The following RPS6KC1 variants were observed in gnomAD, a reference collection of about 807,000 sequenced individuals.
RPS6KC1 encodes the protein ribosomal protein S6 kinase C1.
RPS6KC1 carries 54 observed loss-of-function variants against 103.8 expected under a neutral mutation model. The ratio of observed to expected loss-of-function variants is 0.52; its 90% CI spans 0.42 to 0.65. The LOEUF (loss-of-function observed/expected upper bound fraction) is 0.65. Ranked by LOEUF, RPS6KC1 falls within the 30% of genes least tolerant of loss-of-function variation. The pLI, the probability that RPS6KC1 is intolerant of heterozygous loss-of-function variation, is 0.00. For synonymous variants in RPS6KC1, 439 were observed against 438.7 expected (o/e 1.00, Z -0.01); for missense variants, 1,151 against 1,253.8 (o/e 0.92, Z 1.24).
the RPS6KC1 span, among the ~76,000 whole-genome samples, chr1:213,753,996 G>A: frequency 6.6e-6 from 1 of 152,154 alleles, no homozygotes; most frequent in South Asian, 2.1e-4. Flanking sequence ...AGAACACCGA[G>A]AGGAGATGGG....
chr1:213,772,972 G>C, the RPS6KC1 span, among the ~76,000 whole-genome samples: 1 of 152,152 alleles, frequency 6.6e-6, no homozygotes, highest in Non-Finnish European at 1.5e-5. Context: ...TGGCTCCCCA[G>C]CTGTTTTCGC....
chr1:213,427,745 G>A, the RPS6KC1 span, among the ~76,000 whole-genome samples: 36 of 152,320 alleles, frequency 2.4e-4, no homozygotes, highest in Non-Finnish European at 5.0e-4. Context: ...GCCAAGAGCA[G>A]GTTTTTCCAA....
chr1:213,816,506 C>G, the RPS6KC1 span, among the ~76,000 whole-genome samples: 1 of 152,180 alleles, frequency 6.6e-6, no homozygotes, highest in Non-Finnish European at 1.5e-5. Flanking sequence ...ACACTGACTT[C>G]TGATTCTTTC....
the RPS6KC1 span, among the ~76,000 whole-genome samples, chr1:213,399,818 G>C: frequency 2.0e-5 from 3 of 152,164 alleles, no homozygotes; most frequent in East Asian, 5.8e-4. Flanking sequence ...CAGATGGCTT[G>C]GAGTGGCATG....
chr1:213,497,999 C>T, the RPS6KC1 span, among the ~76,000 whole-genome samples: 7 of 152,100 alleles, frequency 4.6e-5, no homozygotes, highest in African/African-American at 1.4e-4. Flanking sequence ...GTTTTCAAAC[C>T]GTTAAGGGAA....
At chr1:213,488,631 T>G in the RPS6KC1 span, among the ~76,000 whole-genome samples, 1 of 152,180 alleles carries the variant, frequency 6.6e-6, no homozygotes, top group Non-Finnish European at 1.5e-5. Flanking sequence ...AAGCAGTAAA[T>G]ATGCGAATTG....
chr1:213,591,332 C>T, the RPS6KC1 span, among the ~76,000 whole-genome samples: 9 of 152,308 alleles, frequency 5.9e-5, no homozygotes, highest in East Asian at 1.7e-3. Flanking sequence ...GCACACAAAA[C>T]CCCCGAAGTT....
intron 7 of RPS6KC1, among the ~76,000 whole-genome samples, chr1:213,169,585 A>C (rs899179929): frequency 2.0e-5 from 3 of 151,960 alleles, no homozygotes; most frequent in African/African-American, 7.3e-5. Context: ...ATTTATGTAA[A>C]CATTACTTTG....
the RPS6KC1 span, among the ~76,000 whole-genome samples, chr1:213,765,291 G>T: frequency 6.6e-6 from 1 of 152,146 alleles, no homozygotes; most frequent in Non-Finnish European, 1.5e-5. Context: ...ATTCCATAGC[G>T]CCCCTAAGAA....
chr1:213,582,310 A>G, the RPS6KC1 span, among the ~76,000 whole-genome samples: 3 of 152,052 alleles, frequency 2.0e-5, no homozygotes, highest in African/African-American at 7.2e-5. Context: ...AAAATGTGTG[A>G]GCACTTAGAT....
chr1:213,858,755 C>T, the RPS6KC1 span, among the ~76,000 whole-genome samples: 1 of 152,184 alleles, frequency 6.6e-6, no homozygotes, highest in African/African-American at 2.4e-5. Flanking sequence ...CACAAGATAA[C>T]ATAACCAAAT....
the RPS6KC1 span, among the ~76,000 whole-genome samples, chr1:213,525,949 G>A: frequency 6.6e-6 from 1 of 152,208 alleles, no homozygotes; most frequent in Admixed American, 6.5e-5. Flanking sequence ...GAATTGTGCT[G>A]CTGATAGGGA....
intron 8 of RPS6KC1, among the ~76,000 whole-genome samples, chr1:213,224,729 G>C (rs903548801): frequency 6.6e-6 from 1 of 152,118 alleles, no homozygotes; most frequent in Non-Finnish European, 1.5e-5. Context: ...AACAAATTCT[G>C]TTTGAGGGTT....
At chr1:213,343,440 T>TATATATATATATATATATATACAC in the RPS6KC1 span, among the ~76,000 whole-genome samples, 3 of 80,382 alleles carry the variant, frequency 3.7e-5, 1 homozygote, top group South Asian at 8.1e-4. Flanking sequence ...TATATATATA[T>TATATATATATATATATATATACAC]ACATACCATG....
chr1:213,861,025 T>C, the RPS6KC1 span, among the ~76,000 whole-genome samples: 449 of 152,130 alleles, frequency 3.0e-3, 4 homozygotes, highest in African/African-American at 0.01. Flanking sequence ...GCCAGGATGG[T>C]CTCAAACCCC....
At chr1:213,497,760 G>A in the RPS6KC1 span, among the ~76,000 whole-genome samples, 1,850 of 152,130 alleles carry the variant, frequency 0.012, 37 homozygotes, top group African/African-American at 0.042. Flanking sequence ...AAAGTAGTTA[G>A]TAAATAGTTC....
the RPS6KC1 span, among the ~76,000 whole-genome samples, chr1:213,479,989 A>G: frequency 2.0e-4 from 30 of 152,088 alleles, no homozygotes; most frequent in East Asian, 2.3e-3. Flanking sequence ...TGCCAATAAC[A>G]TACTGCCTTT....
the RPS6KC1 span, among the ~76,000 whole-genome samples, chr1:213,717,184 C>G: frequency 6.6e-6 from 1 of 152,138 alleles, no homozygotes; most frequent in East Asian, 1.9e-4. Flanking sequence ...AAAGGCATAG[C>G]CCTGCCCTCA....
intron 6 of RPS6KC1, among the ~76,000 whole-genome samples, chr1:213,166,974 C>CT (rs1463242809): frequency 2.0e-5 from 3 of 152,146 alleles, no homozygotes; most frequent in Admixed American, 6.5e-5. Flanking sequence ...TCACATTGGC[C>CT]TTTTTTTGCA....
Sources: allele counts gnomAD v4.1 joint callset (sites outside exome capture counted in the v4.1 genomes callset), GRCh38; gene constraint gnomAD v4.1.1; transcripts MANE v1.5; gene names NCBI Gene and HGNC (gene_info 2026-07-23, HGNC 2026-07-21).